Variants in ZNRF3 observed in about 807,000 individuals in gnomAD.
ZNRF3 encodes zinc and ring finger 3.
ZNRF3 carries 23 observed loss-of-function variants against 72.5 expected under a neutral mutation model. That is an observed-to-expected ratio of 0.32 (90% CI 0.23 to 0.45). The LOEUF (loss-of-function observed/expected upper bound fraction) is 0.45, where lower values mean the gene tolerates loss of function less well. Ranked by LOEUF, ZNRF3 falls within the 20% of genes least tolerant of loss-of-function variation. The pLI, the probability that ZNRF3 is intolerant of heterozygous loss-of-function variation, is 1.00. For missense variants in ZNRF3, 1,169 were observed against 1,272.1 expected (o/e 0.92, Z 1.23); for synonymous variants, 610 against 545.3 (o/e 1.12, Z -1.65).
At chr22:29,008,468 A>G (rs1391157671) in intron 2 of ZNRF3, among the ~76,000 whole-genome samples, 1 of 152,242 alleles carries the variant, frequency 6.6e-6, no homozygotes, top group Non-Finnish European at 1.5e-5. Context: ...TTTAGATGCC[A>G]GGCGTGTGTC....
At chr22:29,015,972 C>T (rs1242917185) in intron 2 of ZNRF3, among the ~76,000 whole-genome samples, 3 of 147,760 alleles carry the variant, frequency 2.0e-5, no homozygotes, top group Admixed American at 6.9e-5. Context: ...GCCAAGATCA[C>T]GCCATTGCAC....
In ZNRF3 at chr22:29,044,782, AC is replaced by A. The variant is rs1207585729; in HGVS notation, c.639del (p.Thr214LeufsTer29). The A allele has an allele frequency of 6.2e-7, 1 of 1,612,320 alleles. No individual in the cohort carries two copies. The highest frequency in any genetic ancestry group is 1.7e-5 in the Admixed American group (1 of 60,020). ...ARIQHRPPRQ[P>X]TEYFDMGIFL... is the part of the protein sequence containing the mutation. Reference sequence around the variant, plus strand: ...ACTGTGTCTGTGTTCCGTTCCAGCAACCCACTGAATACTTTGACATGGGGAT... The same window carrying A: ...ACTGTGTCTGTGTTCCGTTCCAGCAACCACTGAATACTTTGACATGGGGAT... On this transcript the variant is annotated frameshift_variant, in exon 5 of 9. Transcript: ENST00000544604. LOFTEE classifies it high-confidence loss of function.
At chr22:28,978,433 G>A (rs1370010846) in intron 1 of ZNRF3, among the ~76,000 whole-genome samples, 2 of 152,130 alleles carry the variant, frequency 1.3e-5, no homozygotes, top group African/African-American at 4.8e-5. Flanking sequence ...GTCCTGGATG[G>A]CTCCCAGAAC....
Position 29,049,573 on chromosome 22 carries a change from G to C in ZNRF3, c.1392G>C (p.Gln464His). 2 of 1,606,402 alleles carry C rather than the reference G, an allele frequency of 1.2e-6. No individual in the cohort carries two copies. The highest frequency in any genetic ancestry group is 1.7e-6 in the Non-Finnish European group (2 of 1,177,762). ...RSFSKAACFS[Q>H]YETMYQHYYF... ...TCTCCAAGGCAGCTTGCTTCTCCCA[G>C]TATGAGACCATGTACCAGCACTACT... Residue 464 changes from glutamine (Q) to histidine (H), a missense_variant, in exon 8 of 9, where the codon CAG (glutamine) becomes CAC (histidine). By Grantham distance (24) the Gln-to-His change is conservative (BLOSUM62 0). Around this residue, in one of 2 missense-constraint regions of ZNRF3, gnomAD observed 783 missense variants for 731.4 expected, o/e 1.07. Transcript: ENST00000544604. The surrounding 1 kb of genome is among the most constrained non-coding windows in gnomAD (Gnocchi z 5.2).
chr22:29,007,671 C>T (rs190809243), intron 2 of ZNRF3, among the ~76,000 whole-genome samples: 1 of 151,286 alleles, frequency 6.6e-6, no homozygotes, highest in African/African-American at 2.4e-5. Context: ...TGCTCCTGAT[C>T]GTTCCCTTTT....
At chr22:28,979,770 CA>C (rs1264370637) in intron 1 of ZNRF3, among the ~76,000 whole-genome samples, 1 of 152,184 alleles carries the variant, frequency 6.6e-6, no homozygotes, top group African/African-American at 2.4e-5. Flanking sequence ...CTGTTGGGTG[CA>C]AAGCTCTGTG....
intron 1 of ZNRF3, among the ~76,000 whole-genome samples, chr22:28,946,111 A>G (rs891007994): frequency 2.6e-5 from 4 of 152,228 alleles, no homozygotes; most frequent in Non-Finnish European, 4.4e-5. Flanking sequence ...GGTCCGTATA[A>G]TGCAAATATT....
At chr22:28,989,947 T>G (rs929166832) in intron 2 of ZNRF3, among the ~76,000 whole-genome samples, 6 of 152,274 alleles carry the variant, frequency 3.9e-5, no homozygotes, top group African/African-American at 1.4e-4. Context: ...AGTTTATTAC[T>G]GAGTGCTTTT....
At chr22:28,898,493 G>A (rs987573743) in intron 1 of ZNRF3, among the ~76,000 whole-genome samples, 1 of 152,208 alleles carries the variant, frequency 6.6e-6, no homozygotes, top group African/African-American at 2.4e-5. Flanking sequence ...CTGGAGAAGA[G>A]AATATCACAG....
At chr22:29,001,638 A>AT (rs796085991) in intron 2 of ZNRF3, among the ~76,000 whole-genome samples, 3 of 152,024 alleles carry the variant, frequency 2.0e-5, no homozygotes, top group African/African-American at 4.8e-5. Flanking sequence ...CGCCCAGCTA[A>AT]TTTTTTTATT....
At chr22:28,970,895 A>G (rs1199328318) in intron 1 of ZNRF3, among the ~76,000 whole-genome samples, 1 of 152,172 alleles carries the variant, frequency 6.6e-6, no homozygotes, top group Non-Finnish European at 1.5e-5. Flanking sequence ...GGAACAAGAA[A>G]CTTTCTGGGG....
At chr22:28,961,829 G>A (rs920924109) in intron 1 of ZNRF3, among the ~76,000 whole-genome samples, 3 of 152,150 alleles carry the variant, frequency 2.0e-5, no homozygotes, top group Non-Finnish European at 4.4e-5. Flanking sequence ...ACTGGTATCT[G>A]ACCCCAAAAG....
chr22:28,993,238 T>C (rs959387129), intron 2 of ZNRF3, among the ~76,000 whole-genome samples: 3 of 152,248 alleles, frequency 2.0e-5, no homozygotes, highest in African/African-American at 7.2e-5. Context: ...ACCAGGCATC[T>C]GTTATTTTAA....
At chr22:29,031,435 A>G (rs1159983791) in intron 2 of ZNRF3, 1 of 222,532 alleles carries the variant, frequency 4.5e-6, no homozygotes, top group African/African-American at 2.3e-5. Context: ...TTCCTATGGA[A>G]TGAAAAGTTT....
At chr22:28,982,583 A>AG (rs1330537453) in intron 1 of ZNRF3, among the ~76,000 whole-genome samples, 1 of 150,276 alleles carries the variant, frequency 6.7e-6, no homozygotes, top group African/African-American at 2.5e-5. Context: ...AAAAAAAAAA[A>AG]GTGTTAACAT....
intron 2 of ZNRF3, among the ~76,000 whole-genome samples, chr22:28,991,408 A>G (rs534341436): frequency 2.0e-5 from 3 of 151,598 alleles, no homozygotes; most frequent in Non-Finnish European, 2.9e-5. Flanking sequence ...AGGGAGTTTC[A>G]TGTCACAGAG....
intron 2 of ZNRF3, among the ~76,000 whole-genome samples, chr22:29,022,081 T>C (rs2036551901): frequency 6.6e-6 from 1 of 152,242 alleles, no homozygotes; most frequent in Non-Finnish European, 1.5e-5. Context: ...TTATAGAATT[T>C]AACACGAATG....
At chr22:28,984,774 C>T (rs1425458898) in intron 1 of ZNRF3, among the ~76,000 whole-genome samples, 1 of 152,226 alleles carries the variant, frequency 6.6e-6, no homozygotes, top group Non-Finnish European at 1.5e-5. Flanking sequence ...GCATTTCAGA[C>T]TACTCATTGT....
At chr22:29,036,267 A>G (rs952328811) in intron 2 of ZNRF3, among the ~76,000 whole-genome samples, 8 of 152,218 alleles carry the variant, frequency 5.3e-5, no homozygotes, top group Non-Finnish European at 2.9e-5. Flanking sequence ...AGTGGTAAAC[A>G]ACAAGAGAAA....
Sources: allele counts gnomAD v4.1 joint callset (sites outside exome capture counted in the v4.1 genomes callset), GRCh38; gene constraint gnomAD v4.1.1; regional missense constraint gnomAD v4.1.1; non-coding constraint Gnocchi (gnomAD v3.1); transcripts MANE v1.5; gene names NCBI Gene and HGNC (gene_info 2026-07-23, HGNC 2026-07-21).